The following EPB41L1 variants were observed in gnomAD, a reference collection of about 807,000 sequenced individuals.
EPB41L1 encodes erythrocyte membrane protein band 4.1 like 1, also known as band 4.1-like protein 1.
Under a neutral mutation model 97.8 loss-of-function variants are expected in EPB41L1, and 29 were observed. That is an observed-to-expected ratio of 0.30 (90% CI 0.22 to 0.40). EPB41L1 has a LOEUF of 0.40. EPB41L1 is among the 10% of genes least tolerant of loss of function. The pLI is 1.00. For missense variants in EPB41L1, 812 were observed against 1,162.3 expected, an observed-to-expected ratio of 0.70 and a Z score of 4.38; for synonymous variants, 383 against 459.2, an observed-to-expected ratio of 0.83 and a Z score of 2.12.
At chr20:36,155,129 C>T (rs1313888051) in intron 1 of EPB41L1, 1 of 471,074 alleles carries the variant, frequency 2.1e-6, no homozygotes, top group South Asian at 1.5e-5. Context: ...GGGGGTTGGT[C>T]CTGCTGTAGG....
At chr20:36,162,797 T>A (rs2060586141) in intron 1 of EPB41L1, among the ~76,000 whole-genome samples, 1 of 152,204 alleles carries the variant, frequency 6.6e-6, no homozygotes, top group African/African-American at 2.4e-5. Flanking sequence ...GGTGGTGGCC[T>A]TTTCACATTG....
At chr20:36,174,146 C>A (rs1235216540) in intron 2 of EPB41L1, among the ~76,000 whole-genome samples, 192 bp downstream of exon 2, 1 of 152,174 alleles carries the variant, frequency 6.6e-6, no homozygotes, top group African/African-American at 2.4e-5. Flanking sequence ...AGATCTCACT[C>A]TGTTGCCCAG....
intron 14 of EPB41L1, among the ~76,000 whole-genome samples, chr20:36,204,166 G>C (rs2062661114): frequency 6.6e-6 from 1 of 152,136 alleles, no homozygotes; most frequent in African/African-American, 2.4e-5. Flanking sequence ...GCTTCTCCAG[G>C]TCTGAGTTTC....
chr20:36,208,479 G>T, intron 14 of EPB41L1: 1 of 299,652 alleles, frequency 3.3e-6, no homozygotes, highest in South Asian at 2.6e-5. Context: ...GCCGCCTTAG[G>T]TTCCCACCTG....
intron 19 of EPB41L1, among the ~76,000 whole-genome samples, chr20:36,220,658 G>T (rs536521931): frequency 6.6e-6 from 1 of 152,258 alleles, no homozygotes; most frequent in African/African-American, 2.4e-5. Context: ...GAGAGAGACG[G>T]ATAATAAATA....
intron 14 of EPB41L1, among the ~76,000 whole-genome samples, chr20:36,198,631 G>A (rs141374028): frequency 5.4e-4 from 82 of 152,356 alleles, no homozygotes; most frequent in African/African-American, 1.9e-3. Flanking sequence ...CGAGTGGAAA[G>A]AGTGGGGTGT....
chr20:36,176,341 C>T (rs1298589393), intron 3 of EPB41L1, among the ~76,000 whole-genome samples: 1 of 152,206 alleles, frequency 6.6e-6, no homozygotes, highest in Non-Finnish European at 1.5e-5. Flanking sequence ...TCTCCTTTTC[C>T]TATATAGGTT....
At chr20:36,139,520 A>G (rs2059553798) in intron 2 of EPB41L1, among the ~76,000 whole-genome samples, 1 of 152,228 alleles carries the variant, frequency 6.6e-6, no homozygotes, top group Admixed American at 6.5e-5. Flanking sequence ...AGGTTTAGCA[A>G]TGATTAATAC....
chr20:36,227,931 G>A (rs2064271972), intron 21 of EPB41L1, among the ~76,000 whole-genome samples: 1 of 152,198 alleles, frequency 6.6e-6, no homozygotes, highest in Admixed American at 6.5e-5. Flanking sequence ...ACCAGCAAGA[G>A]GGCAGCACTT....
At chr20:36,144,172 G>A (rs1365128274) in intron 2 of EPB41L1, among the ~76,000 whole-genome samples, 1 of 152,000 alleles carries the variant, frequency 6.6e-6, no homozygotes, top group African/African-American at 2.4e-5. Context: ...GTTTAGAACT[G>A]CGCTAGTCCA....
At chr20:36,167,407 G>C (rs1288317058) in intron 1 of EPB41L1, among the ~76,000 whole-genome samples, 1 of 152,088 alleles carries the variant, frequency 6.6e-6, no homozygotes, top group Non-Finnish European at 1.5e-5. Flanking sequence ...GCCCTTGGGG[G>C]TTTTAAAGAG....
At chr20:36,130,991 T>C (rs1336459679) in intron 2 of EPB41L1, among the ~76,000 whole-genome samples, 38 of 149,264 alleles carry the variant, frequency 2.5e-4, no homozygotes, top group Admixed American at 2.7e-4. Flanking sequence ...TTTTTTTTTT[T>C]TGAGACAGAA....
In EPB41L1 at chr20:36,093,090, G is replaced by T; in HGVS notation, c.-65+1478G>T. ...GCGAGCGGCTGCTCGGTGTGCGCGC[G>T]CGTGCGTGTGTGCGCCGGGTGTGCA... On this transcript the variant is annotated intron_variant, in intron 1 of 19. Coordinates refer to the EPB41L1 transcript ENST00000202028. This position sits in a 1 kb window ranked among gnomAD's most constrained non-coding sequence, Gnocchi z 5.4. The T allele has an allele frequency of 6.5e-6, 1 of 153,220 alleles. No individual in the cohort carries two copies. The highest frequency in any genetic ancestry group is 1.5e-5 in the Non-Finnish European group (1 of 68,730). 9.5% of individuals were successfully genotyped at this position (153,220 alleles called of 1,614,324 possible).
In EPB41L1 at chr20:36,229,355, T is replaced by C; in HGVS notation, c.*15T>C. 1 of 1,603,030 alleles carries C rather than the reference T, an allele frequency of 6.2e-7. No individual in the cohort carries two copies. On this transcript the variant is annotated 3_prime_UTR_variant, in exon 22 of 22. Coordinates refer to ENST00000338074, the MANE Select transcript of EPB41L1 (RefSeq NM_012156.2). ...AGGAATCCTGACCTCTGTGAAGAGA[T>C]CCTGGCATTTCTGGTCCAACCCAAG...
At chr20:36,116,332 G>A (rs1424458793) in intron 2 of EPB41L1, among the ~76,000 whole-genome samples, 1 of 152,194 alleles carries the variant, frequency 6.6e-6, no homozygotes, top group Non-Finnish European at 1.5e-5. Context: ...AGTTGGGGGT[G>A]AGGATGAGGG....
intron 1 of EPB41L1, among the ~76,000 whole-genome samples, chr20:36,165,026 GGCTGGAGTGCA>G (rs1416772286): frequency 1.3e-5 from 2 of 151,326 alleles, no homozygotes; most frequent in African/African-American, 4.9e-5. Context: ...CTGTCACCCA[GGCTGGAGTGCA>G]GTGGTGCGAT....
intron 14 of EPB41L1, among the ~76,000 whole-genome samples, chr20:36,205,262 C>T (rs1265311731): frequency 6.6e-6 from 1 of 152,188 alleles, no homozygotes; most frequent in Non-Finnish European, 1.5e-5. Context: ...AGTTGGCACC[C>T]ATATTCCATG....
At chr20:36,199,614 GGAA>G (rs1372293915) in intron 14 of EPB41L1, among the ~76,000 whole-genome samples, 2 of 152,212 alleles carry the variant, frequency 1.3e-5, no homozygotes. Context: ...CTGGTGCTGT[GGAA>G]GAAGGGCAGA....
chr20:36,101,050 T>G (rs1179161167), intron 1 of EPB41L1, among the ~76,000 whole-genome samples: 2 of 152,166 alleles, frequency 1.3e-5, no homozygotes, highest in African/African-American at 4.8e-5. Flanking sequence ...AATTTTTCAT[T>G]GAATCGAGTC....
Sources: allele counts gnomAD v4.1 joint callset (sites outside exome capture counted in the v4.1 genomes callset), GRCh38; gene constraint gnomAD v4.1.1; non-coding constraint Gnocchi (gnomAD v3.1); transcripts MANE v1.5; gene names NCBI Gene and HGNC (gene_info 2026-07-23, HGNC 2026-07-21).